ANKRD26: variants seen among roughly 807,000 people sequenced by gnomAD.
The protein encoded by ANKRD26 is ankyrin repeat domain-containing protein 26.
In ANKRD26, 141 loss-of-function variants were observed where a neutral mutation model predicts 208.7. The ratio of observed to expected loss-of-function variants is 0.68; its 90% CI spans 0.59 to 0.78. The LOEUF is 0.78. Among genes scored for constraint, ANKRD26 ranks in the 30% least tolerant of loss-of-function variants. The pLI is 0.00. For missense variants in ANKRD26, 1,889 were observed against 1,938.7 expected, an observed-to-expected ratio of 0.97 and a Z score of 0.48; for synonymous variants, 636 against 660.4, an observed-to-expected ratio of 0.96 and a Z score of 0.57.
At chr10:26,984,469 A>G (rs1408648245) in intron 3 of ANKRD26, among the ~76,000 whole-genome samples, 8 of 152,176 alleles carry the variant, frequency 5.3e-5, no homozygotes, top group Admixed American at 2.6e-4. Context: ...GAATTAGTCA[A>G]TACTACCTGG....
intron 15 of ANKRD26, among the ~76,000 whole-genome samples, chr10:27,056,650 G>T (rs2054849468): frequency 6.6e-6 from 1 of 151,884 alleles, no homozygotes; most frequent in East Asian, 2.0e-4. Context: ...GATGGTGCAT[G>T]CCTGTAATCC....
chr10:26,988,832 G>A (rs1310775752), downstream of ANKRD26, among the ~76,000 whole-genome samples: 1 of 150,308 alleles, frequency 6.7e-6, no homozygotes, highest in African/African-American at 2.5e-5. Context: ...GATCACTTGA[G>A]CTCAGGAGTT....
chr10:27,070,170 T>A (rs994482479), intron 9 of ANKRD26, among the ~76,000 whole-genome samples: 1 of 148,814 alleles, frequency 6.7e-6, no homozygotes, highest in African/African-American at 2.5e-5. Flanking sequence ...TTTGGGAGGC[T>A]GAGGTGGGCG....
chr10:27,008,406 C>T (rs536244228), intron 32 of ANKRD26, among the ~76,000 whole-genome samples: 42 of 151,992 alleles, frequency 2.8e-4, no homozygotes, highest in African/African-American at 9.9e-4. Flanking sequence ...AACTCAATAC[C>T]AAATAAAAGG....
chr10:27,093,323 T>TA, intron 3 of ANKRD26, 26 bp downstream of exon 3: 4 of 1,605,082 alleles, frequency 2.5e-6, no homozygotes, highest in Non-Finnish European at 3.4e-6. Context: ...TCAAATACTG[T>TA]AAAAATAAAG....
intron 15 of ANKRD26, 56 bp downstream of exon 15, chr10:27,060,289 T>C (rs1359321465): frequency 2.9e-6 from 4 of 1,391,286 alleles, no homozygotes; most frequent in African/African-American, 1.4e-5. Flanking sequence ...ATTTCAAATA[T>C]TTCAAAAATT....
At chr10:26,978,487 T>G (rs185043555) in intron 5 of ANKRD26, among the ~76,000 whole-genome samples, 55 of 152,204 alleles carry the variant, frequency 3.6e-4, no homozygotes, top group Middle Eastern at 3.4e-3. Flanking sequence ...ATAAAATGTT[T>G]GGCTTATAGA....
intron 27 of ANKRD26, among the ~76,000 whole-genome samples, chr10:27,028,585 C>CAAAAAAAAAAAAAAAAAAAAAAAAA (rs11294303): frequency 1.1e-4 from 8 of 76,060 alleles, no homozygotes; most frequent in African/African-American, 4.1e-4. Flanking sequence ...GACTCCATCT[C>CAAAAAAAAAAAAAAAAAAAAAAAAA]AAAAAAAAAA....
rs377570941 is a variant in ANKRD26, at chr10:27,040,039, T to G, written c.2301A>C (p.Leu767=). The G allele has an allele frequency of 2.5e-6, 4 of 1,613,832 alleles. No homozygotes were observed. The highest frequency in any genetic ancestry group is 1.7e-4 in the Middle Eastern group (1 of 6,000). ...GTGATTTTATTTCTTTTGTTTCAGA[T>G]AGCTCCCTTTGTAGTACATTAACCT... The part of the protein sequence containing the change: ...EDKVNVLQRE[L]SETKEIKSQL... Residue 767 remains leucine (L), a synonymous_variant, in exon 21 of 34, where the codon CTA becomes CTC. Coordinates refer to ENST00000376087, the MANE Select transcript of ANKRD26 (RefSeq NM_014915.3).
At position 27,100,123 on chromosome 10, in the gene ANKRD26, G is replaced by A. The variant is rs751933119; in HGVS notation, c.204C>T (p.Leu68=). The part of the protein sequence containing the change: ...NVAKVQQILL[L]RKNGLNDRDK... Reference sequence around the variant, plus strand: ...CTCTATCGTTCAAGCCATTCTTCCTGAGCAAAAGGATCTGCTGCACTTTCG... The same window carrying A: ...CTCTATCGTTCAAGCCATTCTTCCTAAGCAAAAGGATCTGCTGCACTTTCG... The change falls in exon 1 of 34, where the codon CTC becomes CTT. Residue 68 remains leucine (L), a synonymous_variant. Transcript: ENST00000376087. The A allele has an allele frequency of 1.7e-5, 27 of 1,613,998 alleles. No homozygotes were observed. The East Asian group carries it at 5.3e-4, about 32-fold the overall frequency.
chr10:27,040,000 T>C lies in ANKRD26; in HGVS notation c.2340A>G (p.Gln780=), dbSNP rs2054176890. The C allele has an allele frequency of 1.9e-6, 3 of 1,613,808 alleles. No homozygotes were observed. The highest frequency in any genetic ancestry group is 1.1e-5 in the South Asian group (1 of 91,072). The change falls in exon 21 of 34, where the codon CAA becomes CAG. Residue 780 remains glutamine, a synonymous_variant. Coordinates refer to ENST00000376087, the MANE Select transcript of ANKRD26 (RefSeq NM_014915.3). Reference sequence around the variant, plus strand: ...ACAGTTCTCGTTCCCATTCAACTTTTTGATGCTCTAACTGTGATTTTATTT... The same window carrying C: ...ACAGTTCTCGTTCCCATTCAACTTTCTGATGCTCTAACTGTGATTTTATTT... ...TKEIKSQLEH[Q]KVEWERELCS...
At position 26,975,402 on chromosome 10, in the gene ANKRD26, C is replaced by CTTTTTTTTTTTTT. The variant is rs60226106; in HGVS notation, c.*909_*921dup. ...AGCCACCTCGCCCAGCTAATTTTTG[C>CTTTTTTTTTTTTT]TTTTTTTTTTTTTTTTTTGGTGTAG... On this transcript the variant is annotated 3_prime_UTR_variant and NMD_transcript_variant, in exon 6 of 6. Coordinates refer to the ANKRD26 transcript ENST00000674670. Among the ~76,000 whole-genome samples the CTTTTTTTTTTTTT allele has an allele frequency of 3.8e-4, 34 of 90,482 alleles. 1 individual carries two copies. The highest frequency in any genetic ancestry group is 7.7e-4 in the South Asian group (2 of 2,602). 59.4% of individuals were successfully genotyped at this position (90,482 alleles called of 152,430 possible). A position where few individuals can be genotyped will look rare whatever the true frequency, so the allele number is the denominator to read the frequency against.
Position 27,061,129 on chromosome 10 carries a change from AT to A in ANKRD26, c.1462+14del, listed in dbSNP as rs754630996. On this transcript the variant is annotated intron_variant, in intron 13 of 33. Transcript: ENST00000376087. ...AGAATAACAGTTAACAAAAATACGC[AT>A]TTTTTTTCCATACCCATGTGGGCTA... 1.0e-4 allele frequency: 155 copies of A among 1,551,374 alleles called. No homozygotes were observed. The highest frequency in any genetic ancestry group is 1.3e-4 in the Non-Finnish European group (141 of 1,124,092).
the ANKRD26 span, among the ~76,000 whole-genome samples, chr10:26,960,575 GA>G: frequency 6.6e-6 from 1 of 152,202 alleles, no homozygotes; most frequent in Non-Finnish European, 1.5e-5. Context: ...GACATATGAT[GA>G]AATAGTCATT....
At chr10:27,072,797 T>C (rs1478580080) in intron 9 of ANKRD26, among the ~76,000 whole-genome samples, 1 of 152,252 alleles carries the variant, frequency 6.6e-6, no homozygotes, top group Non-Finnish European at 1.5e-5. Flanking sequence ...CAACTGTCTA[T>C]GTGCCCAGCA....
intron 4 of ANKRD26, among the ~76,000 whole-genome samples, chr10:27,087,929 C>T (rs1053457793): frequency 1.3e-5 from 2 of 152,054 alleles, no homozygotes; most frequent in African/African-American, 4.8e-5. Flanking sequence ...TCCAGGTGCA[C>T]ACCATCACAC....
chr10:26,980,831 G>A (rs1220832598), exon 5 of ANKRD26, among the ~76,000 whole-genome samples: 2 of 152,110 alleles, frequency 1.3e-5, no homozygotes, highest in African/African-American at 4.8e-5. Context: ...GAGTAAGCTG[G>A]GGATGTACCT....
chr10:27,013,997 T>G (rs1437069288), intron 31 of ANKRD26, among the ~76,000 whole-genome samples: 1 of 152,164 alleles, frequency 6.6e-6, no homozygotes, highest in South Asian at 2.1e-4. Context: ...GTAGAAAAAC[T>G]ATACAGGGTA....
chr10:26,988,499 T>A (rs2052426887), downstream of ANKRD26, among the ~76,000 whole-genome samples: 1 of 152,198 alleles, frequency 6.6e-6, no homozygotes, highest in South Asian at 2.1e-4. Flanking sequence ...AATCACACTT[T>A]AATATTTCAG....
Sources: gnomAD v4.1 joint callset for allele counts (sites outside exome capture counted in the v4.1 genomes callset) on GRCh38, gnomAD v4.1.1 for gene constraint, MANE v1.5 for transcripts, NCBI Gene and HGNC (gene_info 2026-07-23, HGNC 2026-07-21) for gene names.